SLC8A3: variants seen among roughly 807,000 people sequenced by gnomAD.
The protein encoded by SLC8A3 is sodium/calcium exchanger 3.
In SLC8A3, 37 loss-of-function variants were observed where a neutral mutation model predicts 65.4. That is an observed-to-expected ratio of 0.57 (90% CI 0.44 to 0.74). The LOEUF (loss-of-function observed/expected upper bound fraction) is 0.74, where lower values mean the gene tolerates loss of function less well. Among genes scored for constraint, SLC8A3 ranks in the 30% least tolerant of loss-of-function variants. The pLI, the probability that SLC8A3 is intolerant of heterozygous loss-of-function variation, is 0.00. For missense variants in SLC8A3, 1,112 were observed against 1,172.1 expected (o/e 0.95, Z 0.75); for synonymous variants, 461 against 444.5 (o/e 1.04, Z -0.47).
intron 1 of SLC8A3, among the ~76,000 whole-genome samples, chr14:70,178,339 C>T (rs1241984988): frequency 1.3e-5 from 2 of 152,158 alleles, no homozygotes; most frequent in East Asian, 3.9e-4. Context: ...TCTGAAGATG[C>T]ACTGATGAAG....
At chr14:70,114,819 G>A (rs1348933281) in intron 2 of SLC8A3, among the ~76,000 whole-genome samples, 3 of 152,208 alleles carry the variant, frequency 2.0e-5, no homozygotes, top group African/African-American at 7.2e-5. Flanking sequence ...AGACTCAAAT[G>A]TGCAGGTTCC....
At chr14:70,122,558 C>T (rs1301165362) in intron 2 of SLC8A3, among the ~76,000 whole-genome samples, 1 of 152,082 alleles carries the variant, frequency 6.6e-6, no homozygotes, top group East Asian at 1.9e-4. Context: ...TAGTAATAAA[C>T]CCTACCTCCT....
At chr14:70,081,692 A>C (rs1475583490) in intron 2 of SLC8A3, among the ~76,000 whole-genome samples, 1 of 152,198 alleles carries the variant, frequency 6.6e-6, no homozygotes, top group Non-Finnish European at 1.5e-5. Context: ...AGGGTATTGG[A>C]TTCAAGAGCA....
At chr14:70,176,651 G>A (rs970121331) in intron 1 of SLC8A3, among the ~76,000 whole-genome samples, 11 of 152,154 alleles carry the variant, frequency 7.2e-5, no homozygotes, top group African/African-American at 1.2e-4. Context: ...ATTTCTATGC[G>A]CTGGACAAAC....
At chr14:70,047,294 G>T (rs1412311653) in intron 6 of SLC8A3, 2 of 152,056 alleles carry the variant, frequency 1.3e-5, no homozygotes, top group Non-Finnish European at 2.9e-5. Flanking sequence ...ACCCTTTCTT[G>T]CCTATGGCCT....
At chr14:70,072,068 TG>T (rs1890060599) in intron 2 of SLC8A3, among the ~76,000 whole-genome samples, 1 of 152,204 alleles carries the variant, frequency 6.6e-6, no homozygotes, top group African/African-American at 2.4e-5. Flanking sequence ...AGGAACATTT[TG>T]TCTCTACTGA....
At chr14:70,119,412 T>A (rs73276744) in intron 2 of SLC8A3, among the ~76,000 whole-genome samples, 5,418 of 152,298 alleles carry the variant, frequency 0.036, 113 homozygotes, top group Non-Finnish European at 0.038. Context: ...GGCTTTGCTA[T>A]GGTCAAGCAT....
chr14:70,123,032 A>C (rs1894184863), intron 2 of SLC8A3, among the ~76,000 whole-genome samples: 1 of 145,942 alleles, frequency 6.9e-6, no homozygotes, highest in Non-Finnish European at 1.5e-5. Context: ...AGATCATGCC[A>C]CTGCACTCCA....
intron 1 of SLC8A3, among the ~76,000 whole-genome samples, chr14:70,174,411 C>G (rs1404583137): frequency 3.3e-5 from 5 of 152,070 alleles, no homozygotes; most frequent in Non-Finnish European, 7.4e-5. Context: ...GTTAGATGAT[C>G]GCTATAGTTC....
rs1233073091 is a variant in SLC8A3 at position 70,124,326 on chromosome 14, C to T, written c.1784+42313G>A. 2.6e-5 allele frequency among the ~76,000 whole-genome samples: 4 copies of T among 152,202 alleles called. No individual in the cohort carries two copies. In the East Asian group the frequency reaches 7.7e-4, roughly 29 times the overall value. ...CCTCTCTCTTCAGTAATATCATCAC[C>T]ACCTCTTCCCTCACTCAGTCGCCAA... On this transcript the variant is annotated intron_variant, in intron 2 of 6. Coordinates refer to ENST00000356921, the MANE Select transcript of SLC8A3 (RefSeq NM_182932.3).
At chr14:70,164,821 ATTCCATGGAGTTTGTT>A (rs1437688931) in intron 2 of SLC8A3, among the ~76,000 whole-genome samples, 2 of 152,196 alleles carry the variant, frequency 1.3e-5, no homozygotes, top group Non-Finnish European at 2.9e-5. Flanking sequence ...ATCATGTGAA[ATTCCATGGAGTTTGTT>A]TTCCCAGTGA....
chr14:70,051,231 T>A, intron 4 of SLC8A3, 124 bp from the exon 5 acceptor site: 4 of 664,820 alleles, frequency 6.0e-6, no homozygotes, highest in South Asian at 5.2e-5. Flanking sequence ...ACGCATGGAA[T>A]GGCCTTGGGC....
chr14:70,068,919 G>A (rs1889732866), intron 2 of SLC8A3, among the ~76,000 whole-genome samples: 2 of 152,018 alleles, frequency 1.3e-5, no homozygotes, highest in Admixed American at 1.3e-4. Context: ...TAGAGACGAG[G>A]TGTCACCATG....
At chr14:70,064,636 A>G (rs72729845) in intron 2 of SLC8A3, among the ~76,000 whole-genome samples, 8,300 of 152,152 alleles carry the variant, frequency 0.055, 248 homozygotes, top group Non-Finnish European at 0.065. Context: ...TACTGACACT[A>G]TCTCCAAACA....
chr14:70,111,563 A>C (rs181203592), intron 2 of SLC8A3, among the ~76,000 whole-genome samples: 2 of 152,354 alleles, frequency 1.3e-5, no homozygotes, highest in East Asian at 3.9e-4. Flanking sequence ...TGTAGAAATA[A>C]TCATTACAAG....
intron 1 of SLC8A3, among the ~76,000 whole-genome samples, chr14:70,180,302 T>C (rs1882635008): frequency 6.6e-6 from 1 of 152,242 alleles, no homozygotes; most frequent in Non-Finnish European, 1.5e-5. Flanking sequence ...AATTAAATCA[T>C]ATCATTGCCT....
chr14:70,124,777 G>A (rs892714715), intron 2 of SLC8A3, among the ~76,000 whole-genome samples: 1 of 152,188 alleles, frequency 6.6e-6, no homozygotes, highest in African/African-American at 2.4e-5. Context: ...CAAGAGATCT[G>A]GTGCCAAAAG....
Position 70,048,774 on chromosome 14 carries a change from A to T in SLC8A3, c.2382T>A (p.Ser794=). The T allele has an allele frequency of 1.9e-6, 3 of 1,613,860 alleles. No individual in the cohort carries two copies. Among genetic ancestry groups the T allele is most frequent in the Non-Finnish European group, 1.7e-6 (2 of 1,179,930 alleles). The change falls in exon 6 of 7, where the codon TCT becomes TCA. Residue 794 remains serine (S), a synonymous_variant. Transcript: ENST00000356921. Reference sequence around the variant, plus strand: ...AGCACCTCTCACTCTCACCTGGGACAGAGGTGCCAAATGCCACGAAAACAA... The same window carrying T: ...AGCACCTCTCACTCTCACCTGGGACTGAGGTGCCAAATGCCACGAAAACAA... The part of the protein sequence containing the change: ...TAVVFVAFGT[S]VPDTFASKAA...
chr14:70,174,651 GTT>G (rs1286502376), intron 1 of SLC8A3, among the ~76,000 whole-genome samples: 13 of 90,364 alleles, frequency 1.4e-4, no homozygotes, highest in African/African-American at 6.4e-4. Flanking sequence ...GACCAAATCC[GTT>G]TTTTTTTTGT....
Sources: allele counts gnomAD v4.1 joint callset (sites outside exome capture counted in the v4.1 genomes callset), GRCh38; gene constraint gnomAD v4.1.1; transcripts MANE v1.5; gene names NCBI Gene and HGNC (gene_info 2026-07-23, HGNC 2026-07-21).